Variants in ETNK2 observed in about 807,000 individuals in gnomAD.
ETNK2 encodes the protein ethanolamine kinase 2.
In ETNK2, 33 loss-of-function variants were observed where a neutral mutation model predicts 46.2. The ratio of observed to expected loss-of-function variants is 0.71; its 90% CI spans 0.54 to 0.96. The LOEUF is 0.96. Ranked by LOEUF, ETNK2 falls within the 40% of genes least tolerant of loss-of-function variation. The pLI is 0.00. For missense variants in ETNK2, 445 were observed against 509.7 expected, an observed-to-expected ratio of 0.87 and a Z score of 1.22; for synonymous variants, 194 against 209.0, an observed-to-expected ratio of 0.93 and a Z score of 0.62.
Position 204,148,916 on chromosome 1 carries a change from C to A in ETNK2, c.518+787G>T, listed in dbSNP as rs1233743745. 4.6e-5 allele frequency among the ~76,000 whole-genome samples: 7 copies of A among 152,330 alleles called. No individual in the cohort carries two copies. The East Asian group carries it at 1.4e-3, about 29-fold the overall frequency. ...AGTGTCAGGAGTAAACCTCAGCCTG[C>A]CTTGGGCCTCACTCAAGTCTGAGTG... is the stretch of plus-strand genomic sequence containing the variant. On this transcript the variant is annotated intron_variant, in intron 2 of 7. Transcript: ENST00000367202.
intron 7 of ETNK2, among the ~76,000 whole-genome samples, chr1:204,132,723 G>A (rs1245875360): frequency 6.6e-6 from 1 of 151,172 alleles, no homozygotes. Context: ...ATGAGCCACC[G>A]TGCCCAGCCT....
In ETNK2 at chr1:204,151,744, C is replaced by A; in HGVS notation, c.109G>T (p.Ala37Ser). The A allele has an allele frequency of 1.3e-6, 2 of 1,528,146 alleles. No individual in the cohort carries two copies. Among genetic ancestry groups the A allele is most frequent in the Non-Finnish European group, 1.8e-6 (2 of 1,138,804 alleles). 94.7% of individuals were successfully genotyped at this position (1,528,146 alleles called of 1,614,324 possible). A position where few individuals can be genotyped will look rare whatever the true frequency, so the allele number is the denominator to read the frequency against. The change falls in exon 1 of 8, where the codon GCC becomes TCC. Residue 37 changes from alanine (A) to serine (S), a missense_variant. Ala to Ser is a moderately conservative substitution (Grantham distance 99, BLOSUM62 1). Transcript: ENST00000367202. This position sits in a 1 kb window ranked among gnomAD's most constrained non-coding sequence, Gnocchi z 8.0. ...GGGCCCGGCGGCTCCCGGCAGCTGG[C>A]GCTGGCCGCCGCCTTCTCCTCCATG... ...WGMEEKAAAS[A>S]SCREPPGPPR... is the part of the protein sequence containing the mutation.
chr1:204,131,888 A>C lies in ETNK2; in HGVS notation c.*296T>G. ...ATTCCAGCAGGGCCTGAGGCTGGGA[A>C]TGATGTGTTTCCCAGGGGTGGTTAT... On this transcript the variant is annotated 3_prime_UTR_variant, in exon 8 of 8. Coordinates refer to ENST00000367202, the MANE Select transcript of ETNK2 (RefSeq NM_018208.4). The surrounding 1 kb of genome is among the most constrained non-coding windows in gnomAD (Gnocchi z 4.3). 14 of 403,602 alleles carry C rather than the reference A, an allele frequency of 3.5e-5. No individual in the cohort carries two copies. Among genetic ancestry groups the C allele is most frequent in the East Asian group, 1.3e-4 (3 of 22,352 alleles). 25.0% of individuals were successfully genotyped at this position (403,602 alleles called of 1,614,324 possible). A position where few individuals can be genotyped will look rare whatever the true frequency, so the allele number is the denominator to read the frequency against.
chr1:204,148,516 A>T (rs949917574), intron 2 of ETNK2, among the ~76,000 whole-genome samples: 2 of 151,362 alleles, frequency 1.3e-5, no homozygotes, highest in African/African-American at 4.9e-5. Flanking sequence ...GAACTGTTCA[A>T]CTGGAGCCTG....
chr1:204,141,184 A>G (rs1440800112), intron 4 of ETNK2, 131 bp downstream of exon 4: 2 of 1,144,424 alleles, frequency 1.7e-6, no homozygotes, highest in Admixed American at 1.9e-5. Context: ...TCCCTCCTAC[A>G]AATTAACTTA....
chr1:204,146,823 A>C (rs1203957782), intron 2 of ETNK2, 59 bp from the exon 3 acceptor site: 1 of 1,606,944 alleles, frequency 6.2e-7, no homozygotes, highest in Non-Finnish European at 8.5e-7. Flanking sequence ...TTCCCCACTC[A>C]TTTCCTCCTG....
At position 204,149,926 on chromosome 1, in the gene ETNK2, AG is replaced by A; in HGVS notation, c.294del (p.Cys99AlafsTer76). ...FTDGITNKLV[A>X]CYVEEDMQDC... ...TCCTGCATGTCCTCCTCCACATAGC[AG>A]GCCACCAGCTTGTTGGTGATGCCAT... On this transcript the variant is annotated frameshift_variant, in exon 2 of 8. Transcript: ENST00000367202. LOFTEE classifies it high-confidence loss of function. 7.4e-7 allele frequency: 1 copy of A among 1,355,672 alleles called. No homozygotes were observed. The highest frequency in any genetic ancestry group is 9.7e-7 in the Non-Finnish European group (1 of 1,029,350). The allele number at this position is 1,355,672 out of a possible 1,614,324, so 84.0% of individuals were successfully genotyped here. A position where few individuals can be genotyped will look rare whatever the true frequency, so the allele number is the denominator to read the frequency against.
intron 6 of ETNK2, among the ~76,000 whole-genome samples, chr1:204,136,437 CAGT>C (rs1657287840): frequency 6.9e-6 from 1 of 145,212 alleles, no homozygotes; most frequent in Non-Finnish European, 1.5e-5. Context: ...ATGCCGGGCG[CAGT>C]AGTTCACTCC....
At chr1:204,132,989 T>G (rs537538316) in intron 7 of ETNK2, among the ~76,000 whole-genome samples, 1 of 152,298 alleles carries the variant, frequency 6.6e-6, no homozygotes, top group South Asian at 2.1e-4. Flanking sequence ...ATTTGACTAC[T>G]TTAGTTATCT....
chr1:204,140,826 C>CTT (rs5780215), intron 4 of ETNK2, among the ~76,000 whole-genome samples: 12,435 of 137,062 alleles, frequency 0.091, 837 homozygotes, highest in African/African-American at 0.18. Flanking sequence ...CCTGGCCAGA[C>CTT]TTTTTTTTTT....
chr1:204,134,665 A>T, intron 6 of ETNK2, 77 bp from the exon 7 acceptor site: 1 of 1,613,826 alleles, frequency 6.2e-7, no homozygotes, highest in Non-Finnish European at 8.5e-7. Context: ...GGAGGGATGC[A>T]GTCATTGTGG....
At chr1:204,147,692 G>A in intron 2 of ETNK2, 1 of 417,626 alleles carries the variant, frequency 2.4e-6, no homozygotes, top group Non-Finnish European at 4.8e-6. Context: ...TTACCAAGCT[G>A]TTCAAGGGGT....
chr1:204,135,513 T>C (rs1052581606), intron 6 of ETNK2, among the ~76,000 whole-genome samples: 1 of 152,226 alleles, frequency 6.6e-6, no homozygotes, highest in Non-Finnish European at 1.5e-5. Context: ...CACTTTCCCA[T>C]GTGAGTCCCC....
At chr1:204,142,832 T>A (rs1318811675) in intron 3 of ETNK2, 2 of 152,204 alleles carry the variant, frequency 1.3e-5, no homozygotes, top group Non-Finnish European at 2.9e-5. Flanking sequence ...TTCCAGGCTT[T>A]GAGAAGGTCA....
At chr1:204,134,221 T>C (rs1409550024) in intron 7 of ETNK2, among the ~76,000 whole-genome samples, 1 of 152,116 alleles carries the variant, frequency 6.6e-6, no homozygotes, top group East Asian at 1.9e-4. Flanking sequence ...CCAGGCTCTG[T>C]GGATAGGTGC....
intron 5 of ETNK2, among the ~76,000 whole-genome samples, chr1:204,139,337 G>A (rs1036247681): frequency 1.3e-5 from 2 of 152,192 alleles, no homozygotes; most frequent in Non-Finnish European, 2.9e-5. Context: ...AAGTCATCCT[G>A]TGCTGTGCTA....
At chr1:204,140,263 T>C in intron 4 of ETNK2, 145 bp from the exon 5 acceptor site, 1 of 625,760 alleles carries the variant, frequency 1.6e-6, no homozygotes, top group South Asian at 1.8e-5. Context: ...ACTGCAGCAG[T>C]CTTCCAAGCT....
intron 3 of ETNK2, among the ~76,000 whole-genome samples, chr1:204,145,863 G>A (rs139226542): frequency 5.3e-4 from 80 of 152,276 alleles, no homozygotes; most frequent in African/African-American, 1.7e-3. Context: ...AAGACACCAC[G>A]CTTTCCTCCA....
At chr1:204,138,567 G>A (rs948113418) in intron 5 of ETNK2, 2 of 152,204 alleles carry the variant, frequency 1.3e-5, no homozygotes, top group African/African-American at 4.8e-5. Context: ...CATCACCCTG[G>A]GGGTTCCTAG....
Sources: allele counts gnomAD v4.1 joint callset (sites outside exome capture counted in the v4.1 genomes callset), GRCh38; gene constraint gnomAD v4.1.1; non-coding constraint Gnocchi (gnomAD v3.1); transcripts MANE v1.5; gene names NCBI Gene and HGNC (gene_info 2026-07-23, HGNC 2026-07-21).